Variants in FGF12 observed in about 807,000 individuals in gnomAD.
FGF12 encodes the protein fibroblast growth factor 12, also known as fibroblast growth factor 12B.
A neutral mutation model predicts 23.6 loss-of-function variants in FGF12; 14 were observed. The ratio of observed to expected loss-of-function variants is 0.59; its 90% CI spans 0.39 to 0.93. The LOEUF (loss-of-function observed/expected upper bound fraction) is 0.93. Ranked by LOEUF, FGF12 falls within the 40% of genes least tolerant of loss-of-function variation. FGF12 has a pLI of 0.00. For synonymous variants in FGF12, 62 were observed against 77.3 expected, an observed-to-expected ratio of 0.80 and a Z score of 1.04; for missense variants, 175 against 217.8, an observed-to-expected ratio of 0.80 and a Z score of 1.24.
chr3:192,574,354 T>A (rs963695270), intron 2 of FGF12, among the ~76,000 whole-genome samples: 1 of 152,228 alleles, frequency 6.6e-6, no homozygotes, highest in Admixed American at 6.5e-5. Context: ...GATGCAAGAA[T>A]TTTTAAAAAG....
At chr3:192,375,435 T>C (rs1226922775) in intron 2 of FGF12, among the ~76,000 whole-genome samples, 1 of 152,182 alleles carries the variant, frequency 6.6e-6, no homozygotes, top group Non-Finnish European at 1.5e-5. Flanking sequence ...CTTACATATC[T>C]AACATAAAGG....
intron 2 of FGF12, among the ~76,000 whole-genome samples, chr3:192,406,821 G>A (rs1210542724): frequency 6.6e-6 from 1 of 152,142 alleles, no homozygotes; most frequent in African/African-American, 2.4e-5. Context: ...GACTTCCCAA[G>A]TGTCGCCCTT....
chr3:192,346,186 CTT>C (rs2108715779), intron 3 of FGF12, among the ~76,000 whole-genome samples: 1 of 152,272 alleles, frequency 6.6e-6, no homozygotes, highest in East Asian at 1.9e-4. Context: ...TGCTCAATAA[CTT>C]TCATTGGTTC....
chr3:192,359,920 G>T, intron 3 of FGF12, among the ~76,000 whole-genome samples: 1 of 149,628 alleles, frequency 6.7e-6, no homozygotes, highest in African/African-American at 2.5e-5. Context: ...TTTAAAATCA[G>T]CAATTTTGCC....
intron 2 of FGF12, among the ~76,000 whole-genome samples, chr3:192,362,962 C>T (rs1718800139): frequency 6.6e-6 from 1 of 152,046 alleles, no homozygotes; most frequent in Non-Finnish European, 1.5e-5. Context: ...ACAATTCACA[C>T]TGTATTTCTA....
At chr3:192,560,311 T>C (rs1375828727) in intron 2 of FGF12, among the ~76,000 whole-genome samples, 3 of 151,290 alleles carry the variant, frequency 2.0e-5, no homozygotes, top group Non-Finnish European at 4.4e-5. Context: ...TTTAAGAAGA[T>C]AGAAAAAGTA....
chr3:192,148,795 T>C (rs1009970737), intron 5 of FGF12, among the ~76,000 whole-genome samples: 2 of 152,174 alleles, frequency 1.3e-5, no homozygotes, highest in Non-Finnish European at 2.9e-5. Flanking sequence ...AGTTGAGATA[T>C]AACTGAGGAG....
Position 192,360,307 on chromosome 3 carries a change from A to G in FGF12, c.124+121T>C. On this transcript the variant is annotated intron_variant, in intron 3 of 5. Coordinates refer to ENST00000445105, the MANE Select transcript of FGF12 (RefSeq NM_004113.6). The surrounding 1 kb of genome is among the most constrained non-coding windows in gnomAD (Gnocchi z 4.3). Reference sequence around the variant, plus strand: ...ATAAAGGAAAAGACACTAGCTTACTAATAGTTAAATAGTTTGAAAGGCATA... The same window carrying G: ...ATAAAGGAAAAGACACTAGCTTACTGATAGTTAAATAGTTTGAAAGGCATA... The G allele has an allele frequency of 1.5e-6, 1 of 670,168 alleles. No individual in the cohort carries two copies. The highest frequency in any genetic ancestry group is 2.7e-6 in the Non-Finnish European group (1 of 373,836). 41.5% of individuals were successfully genotyped at this position (670,168 alleles called of 1,614,324 possible). A position where few individuals can be genotyped will look rare whatever the true frequency, so the allele number is the denominator to read the frequency against.
intron 2 of FGF12, among the ~76,000 whole-genome samples, chr3:192,644,871 A>G (rs1715944272): frequency 6.6e-6 from 1 of 152,160 alleles, no homozygotes; most frequent in Admixed American, 6.5e-5. Flanking sequence ...GGTGTCGTTG[A>G]GCATGGTGGA....
intron 4 of FGF12, among the ~76,000 whole-genome samples, chr3:192,204,907 A>G (rs892363148): frequency 6.6e-6 from 1 of 152,080 alleles, no homozygotes; most frequent in Non-Finnish European, 1.5e-5. Context: ...AAAAAAAAAG[A>G]AAGTAAGAAA....
At chr3:192,333,492 C>T (rs923578484) in intron 4 of FGF12, among the ~76,000 whole-genome samples, 16 of 151,858 alleles carry the variant, frequency 1.1e-4, no homozygotes, top group African/African-American at 3.4e-4. Context: ...AGAGCTGTGA[C>T]ACACTAAGAG....
chr3:192,395,631 A>T (rs556350927), intron 2 of FGF12, among the ~76,000 whole-genome samples: 2 of 152,280 alleles, frequency 1.3e-5, no homozygotes, highest in South Asian at 2.1e-4. Context: ...CCAGGAACTC[A>T]CTCTCCAGCG....
chr3:192,543,792 G>A (rs1239265883), intron 2 of FGF12, among the ~76,000 whole-genome samples: 3 of 152,192 alleles, frequency 2.0e-5, no homozygotes, highest in African/African-American at 7.2e-5. Flanking sequence ...CCCAGGGTGT[G>A]TCTAGAAATG....
At chr3:192,717,958 C>T (rs573237644) in intron 2 of FGF12, among the ~76,000 whole-genome samples, 82 of 152,172 alleles carry the variant, frequency 5.4e-4, no homozygotes, top group African/African-American at 1.9e-3. Flanking sequence ...CTTCTTCTAT[C>T]TAAAATGATC....
chr3:192,572,786 G>A (rs1031109146), intron 2 of FGF12, among the ~76,000 whole-genome samples: 5 of 152,140 alleles, frequency 3.3e-5, no homozygotes, highest in Admixed American at 6.6e-5. Context: ...CTGTTTTTAT[G>A]TACAATTTAA....
chr3:192,225,945 T>TG (rs1385002302), intron 4 of FGF12, among the ~76,000 whole-genome samples: 1 of 152,108 alleles, frequency 6.6e-6, no homozygotes, highest in African/African-American at 2.4e-5. Context: ...TGCCAGGGGC[T>TG]GGGGGAAGGA....
chr3:192,714,035 T>C (rs191526547), intron 2 of FGF12, among the ~76,000 whole-genome samples: 65 of 152,358 alleles, frequency 4.3e-4, no homozygotes, highest in African/African-American at 1.5e-3. Flanking sequence ...AGAGCAGTTC[T>C]GAGATACTTA....
At position 192,335,442 on chromosome 3, in the gene FGF12, C is replaced by T. The variant is rs750063556; in HGVS notation, c.147G>A (p.Val49=). The change falls in exon 4 of 6, where the codon GTG becomes GTA. Residue 49 remains valine (V), a synonymous_variant. Transcript: ENST00000445105. ...CTTGGATGGCCACTACACGCAGGCCCACGGGAATTAGATTGAAGAGAGCTG... is the reference window on the plus strand; with the variant it reads ...CTTGGATGGCCACTACACGCAGGCCTACGGGAATTAGATTGAAGAGAGCTG... ...SDYTLFNLIP[V]GLRVVAIQGV... is the part of the protein sequence containing the mutation. The T allele has an allele frequency of 5.0e-6, 8 of 1,612,564 alleles. No individual in the cohort carries two copies. Among genetic ancestry groups the T allele is most frequent in the East Asian group, 2.2e-5 (1 of 44,866 alleles).
intron 4 of FGF12, among the ~76,000 whole-genome samples, chr3:192,230,852 C>T (rs1350256390): frequency 6.6e-6 from 1 of 152,040 alleles, no homozygotes; most frequent in Non-Finnish European, 1.5e-5. Flanking sequence ...ATTGTGATCT[C>T]CCAGGTTGTG....
Sources: allele counts gnomAD v4.1 joint callset (sites outside exome capture counted in the v4.1 genomes callset), GRCh38; gene constraint gnomAD v4.1.1; non-coding constraint Gnocchi (gnomAD v3.1); transcripts MANE v1.5; gene names NCBI Gene and HGNC (gene_info 2026-07-23, HGNC 2026-07-21).